Variants in CDH11 observed in about 807,000 individuals in gnomAD.
CDH11 encodes cadherin-11.
A neutral mutation model predicts 67.8 loss-of-function variants in CDH11; 11 were observed. The observed-to-expected ratio is 0.16, with a 90% confidence interval of 0.10 to 0.27. CDH11 has a LOEUF of 0.27. Ranked by LOEUF, CDH11 falls within the 10% of genes least tolerant of loss-of-function variation. The pLI is 1.00. For synonymous variants in CDH11, 419 were observed against 400.0 expected (o/e 1.05, Z -0.57); for missense variants, 847 against 1,031.2 (o/e 0.82, Z 2.45).
chr16:65,120,075 C>T lies in CDH11; in HGVS notation c.-298+1805G>A, dbSNP rs555711682. ...TCCCTTTGTTTTGTAACTTTTTTTC[C>T]TTTGTCCTATTGGAAGAAGACCAGG... On this transcript the variant is annotated intron_variant, in intron 1 of 12. Transcript: ENST00000268603. 5.3e-5 allele frequency among the ~76,000 whole-genome samples: 8 copies of T among 152,218 alleles called. No homozygotes were observed. In the South Asian group the frequency reaches 1.7e-3, roughly 32 times the overall value.
In CDH11 at chr16:64,971,924, G is replaced by A; in HGVS notation, c.1524+7C>T. 1 of 1,613,810 alleles carries A rather than the reference G, an allele frequency of 6.2e-7. No homozygotes were observed. Among genetic ancestry groups the A allele is most frequent in the Non-Finnish European group, 8.5e-7 (1 of 1,179,810 alleles). ...TTCCTAGCCAAGAATAGGGAAAGCA[G>A]GATTACCTGGTTGGAAAGTGGCTTG... On this transcript the variant is annotated splice_region_variant and intron_variant, in intron 10 of 12. Coordinates refer to ENST00000268603, the MANE Select transcript of CDH11 (RefSeq NM_001797.4).
intron 8 of CDH11, among the ~76,000 whole-genome samples, chr16:64,977,443 T>C (rs1234058484): frequency 6.6e-6 from 1 of 152,134 alleles, no homozygotes; most frequent in Non-Finnish European, 1.5e-5. Flanking sequence ...TGAGTGAGTG[T>C]TTTTACGTCA....
In CDH11 at chr16:65,073,474, G is replaced by T. The variant is rs564324645; in HGVS notation, c.-297-19546C>A. 3.3e-5 allele frequency among the ~76,000 whole-genome samples: 5 copies of T among 152,272 alleles called. No homozygotes were observed. In the South Asian group the frequency reaches 1.0e-3, roughly 32 times the overall value. ...TTTTTATAATTTTAGTAGAGATGGG[G>T]TTTCACCATGTTGGCCAGGCTGGTT... On this transcript the variant is annotated intron_variant, in intron 1 of 12. Coordinates refer to ENST00000268603, the MANE Select transcript of CDH11 (RefSeq NM_001797.4).
At chr16:65,102,867 C>A (rs1440660034) in intron 1 of CDH11, among the ~76,000 whole-genome samples, 2 of 152,138 alleles carry the variant, frequency 1.3e-5, no homozygotes, top group Non-Finnish European at 2.9e-5. Context: ...GCAAAAAATG[C>A]AGGAAGATGG....
chr16:65,067,001 G>A (rs545194961), intron 1 of CDH11, among the ~76,000 whole-genome samples: 1 of 152,278 alleles, frequency 6.6e-6, no homozygotes, highest in South Asian at 2.1e-4. Flanking sequence ...TGGTATTCCT[G>A]GGGTATCCCA....
chr16:64,990,284 C>G (rs886281256), intron 6 of CDH11, among the ~76,000 whole-genome samples: 2 of 152,154 alleles, frequency 1.3e-5, no homozygotes, highest in Non-Finnish European at 2.9e-5. Flanking sequence ...TTATATGAGC[C>G]TCAGGCTTAT....
intron 2 of CDH11, among the ~76,000 whole-genome samples, chr16:65,026,069 T>G (rs2073528348): frequency 6.6e-6 from 1 of 152,328 alleles, no homozygotes; most frequent in African/African-American, 2.4e-5. Context: ...TGGGTTCTTC[T>G]GGTCAGATGA....
At chr16:64,965,771 AACACACACACACACACACACACAC>A (rs55992835) in intron 11 of CDH11, among the ~76,000 whole-genome samples, 29 of 146,072 alleles carry the variant, frequency 2.0e-4, no homozygotes, top group Admixed American at 1.4e-4. Context: ...CGGTGCATGA[AACACACACACACACACACACACAC>A]ACACACACAC....
Position 64,944,331 on chromosome 16 carries a change from C to T in CDH11, c.*3272G>A. On this transcript the variant is annotated 3_prime_UTR_variant, in exon 13 of 13. Transcript: ENST00000268603. ...GACCAGGCTGATGGCAGTGCAAGAGCAGAGAAGTCTTTCCTCTTCTCCATC... is the reference window on the plus strand; with the variant it reads ...GACCAGGCTGATGGCAGTGCAAGAGTAGAGAAGTCTTTCCTCTTCTCCATC... 1 of 232,688 alleles carries T rather than the reference C, an allele frequency of 4.3e-6. No individual in the cohort carries two copies. Among genetic ancestry groups the T allele is most frequent in the East Asian group, 6.1e-5 (1 of 16,498 alleles). The allele number at this position is 232,688 out of a possible 1,614,324, so 14.4% of individuals were successfully genotyped here.
chr16:65,115,149 G>A (rs554318163), intron 1 of CDH11, among the ~76,000 whole-genome samples: 2 of 152,104 alleles, frequency 1.3e-5, no homozygotes, highest in South Asian at 2.1e-4. Context: ...ATTACTGCAG[G>A]GTAACTTACC....
intron 1 of CDH11, among the ~76,000 whole-genome samples, chr16:65,097,293 C>T (rs907134993): frequency 1.3e-5 from 2 of 152,200 alleles, no homozygotes; most frequent in Non-Finnish European, 2.9e-5. Context: ...GACAAATTAG[C>T]TTCTGTTAGC....
chr16:65,054,744 C>T (rs1379412042), intron 1 of CDH11, among the ~76,000 whole-genome samples: 1 of 152,204 alleles, frequency 6.6e-6, no homozygotes, highest in Non-Finnish European at 1.5e-5. Flanking sequence ...AACACAACAG[C>T]ATAAAGGAGT....
intron 1 of CDH11, among the ~76,000 whole-genome samples, chr16:65,070,646 C>A (rs1690526401): frequency 6.6e-6 from 1 of 152,154 alleles, no homozygotes; most frequent in Non-Finnish European, 1.5e-5. Context: ...GCATTGGAAA[C>A]CCCTGCTAAG....
intron 1 of CDH11, among the ~76,000 whole-genome samples, chr16:65,106,547 G>C (rs992951386): frequency 1.2e-4 from 18 of 152,116 alleles, no homozygotes; most frequent in African/African-American, 4.3e-4. Context: ...ATATGCATTA[G>C]AGAAGCTGCA....
intron 2 of CDH11, among the ~76,000 whole-genome samples, chr16:65,030,707 G>A (rs1277530362): frequency 6.6e-6 from 1 of 152,134 alleles, no homozygotes; most frequent in Non-Finnish European, 1.5e-5. Context: ...AGTAGCTGGG[G>A]CTACAGGAGC....
intron 1 of CDH11, among the ~76,000 whole-genome samples, chr16:65,096,863 A>G (rs1304525576): frequency 2.6e-5 from 4 of 152,174 alleles, no homozygotes; most frequent in Non-Finnish European, 5.9e-5. Context: ...AGCCAGAAAC[A>G]TGTTTTAACT....
intron 1 of CDH11, among the ~76,000 whole-genome samples, chr16:65,110,893 C>A (rs7498336): frequency 0.87 from 132,581 of 151,734 alleles, 58,018 homozygotes; most frequent in East Asian, 1. Flanking sequence ...AAACAAAATG[C>A]CAAGCATGAG....
intron 1 of CDH11, among the ~76,000 whole-genome samples, chr16:65,108,130 C>G (rs957464383): frequency 6.6e-6 from 1 of 152,024 alleles, no homozygotes; most frequent in African/African-American, 2.4e-5. Context: ...TTCTGGCTTG[C>G]GATACAGGGC....
intron 7 of CDH11, chr16:64,986,196 T>C (rs1053379901): frequency 1.8e-4 from 28 of 152,226 alleles, no homozygotes; most frequent in South Asian, 6.2e-4. Context: ...TTCTTTTTTT[T>C]CCCCCGGTGG....
Sources: allele counts gnomAD v4.1 joint callset (sites outside exome capture counted in the v4.1 genomes callset), GRCh38; gene constraint gnomAD v4.1.1; transcripts MANE v1.5; gene names NCBI Gene and HGNC (gene_info 2026-07-23, HGNC 2026-07-21).